Variants in CYTH3 observed in about 807,000 individuals in gnomAD.
The protein encoded by CYTH3 is cytohesin-3.
A neutral mutation model predicts 55.1 loss-of-function variants in CYTH3; 23 were observed. The observed-to-expected ratio is 0.42, with a 90% CI of 0.30 to 0.59. The LOEUF (loss-of-function observed/expected upper bound fraction) is 0.59, where lower values mean the gene tolerates loss of function less well. Among genes scored for constraint, CYTH3 ranks in the 20% least tolerant of loss-of-function variants. The pLI is 0.20. For synonymous variants in CYTH3, 249 were observed against 194.9 expected (o/e 1.28, Z -2.31); for missense variants, 413 against 524.8 (o/e 0.79, Z 2.08).
intron 1 of CYTH3, among the ~76,000 whole-genome samples, chr7:6,238,883 G>T (rs1009181700): frequency 2.7e-5 from 4 of 150,444 alleles, no homozygotes; most frequent in African/African-American, 7.5e-5. Flanking sequence ...AAGGGGAAAA[G>T]ATTGGAAATC....
intron 1 of CYTH3, among the ~76,000 whole-genome samples, chr7:6,198,718 C>T (rs1471941863): frequency 6.7e-6 from 1 of 149,672 alleles, no homozygotes; most frequent in Non-Finnish European, 1.5e-5. Context: ...TACACATACA[C>T]AAACATATAA....
chr7:6,172,458 G>A (rs1783226476), intron 6 of CYTH3, among the ~76,000 whole-genome samples: 1 of 151,970 alleles, frequency 6.6e-6, no homozygotes, highest in Non-Finnish European at 1.5e-5. Flanking sequence ...GCAGTGATGC[G>A]TCTCGAGTCA....
intron 4 of CYTH3, among the ~76,000 whole-genome samples, chr7:6,182,738 G>T (rs1583753555): frequency 6.6e-6 from 1 of 152,116 alleles, no homozygotes; most frequent in Non-Finnish European, 1.5e-5. Context: ...TTGAACTCCT[G>T]AGCTCAAGTG....
chr7:6,173,083 G>A (rs1348479450), intron 6 of CYTH3: 13 of 1,058,902 alleles, frequency 1.2e-5, no homozygotes, highest in South Asian at 2.5e-5. Context: ...GCTGGCTCAG[G>A]GTCAAGGCCC....
intron 1 of CYTH3, among the ~76,000 whole-genome samples, chr7:6,207,950 G>C (rs191958392): frequency 4.9e-4 from 74 of 151,984 alleles, no homozygotes; most frequent in African/African-American, 1.7e-3. Flanking sequence ...ACCCTGTCTT[G>C]GGGGGGTGGG....
rs1256772067 is a variant in CYTH3, at chr7:6,171,368, G to A, written c.450-54C>T. On this transcript the variant is annotated intron_variant, in intron 6 of 12. Transcript: ENST00000350796. This position sits in a 1 kb window ranked among gnomAD's most constrained non-coding sequence, Gnocchi z 6.7. ...CGCATCAGAACCAACACCGCCTCAC[G>A]GCCAAGGGCGGCTTCTGCCCAGCTC... The A allele has an allele frequency of 3.2e-5, 49 of 1,550,286 alleles. No individual in the cohort carries two copies. Among genetic ancestry groups the A allele is most frequent in the Non-Finnish European group, 4.3e-5 (48 of 1,124,364 alleles).
chr7:6,195,587 T>C (rs994981137), intron 1 of CYTH3, among the ~76,000 whole-genome samples: 2 of 152,134 alleles, frequency 1.3e-5, no homozygotes, highest in South Asian at 2.1e-4. Flanking sequence ...CCCAAGTAGC[T>C]GGGATTACAG....
intron 1 of CYTH3, among the ~76,000 whole-genome samples, chr7:6,217,487 A>G (rs1041681747): frequency 6.6e-6 from 1 of 152,248 alleles, no homozygotes; most frequent in East Asian, 1.9e-4. Context: ...GACAGATACT[A>G]TATAATGATC....
chr7:6,231,015 CCA>C (rs1243526535), intron 1 of CYTH3, among the ~76,000 whole-genome samples: 4 of 152,174 alleles, frequency 2.6e-5, no homozygotes, highest in Admixed American at 1.3e-4. Flanking sequence ...TTCACTTTCC[CCA>C]CAGTCACCCC....
chr7:6,165,025 A>T lies in CYTH3; in HGVS notation c.1128-9T>A. Reference sequence around the variant, plus strand: ...CTCTGCTGATACTGGCTCTGGTGAAAAAAGGAAAACACACAGGTTAGGTCG... The same window carrying T: ...CTCTGCTGATACTGGCTCTGGTGAATAAAGGAAAACACACAGGTTAGGTCG... On this transcript the variant is annotated splice_polypyrimidine_tract_variant and intron_variant, in intron 12 of 12. Coordinates refer to ENST00000350796, the MANE Select transcript of CYTH3 (RefSeq NM_004227.4). The T allele has an allele frequency of 6.2e-7, 1 of 1,614,148 alleles. No individual in the cohort carries two copies. Among genetic ancestry groups the T allele is most frequent in the South Asian group, 1.1e-5 (1 of 91,080 alleles).
At chr7:6,262,146 C>A (rs111605766) in intron 1 of CYTH3, among the ~76,000 whole-genome samples, 372 of 151,986 alleles carry the variant, frequency 2.4e-3, no homozygotes, top group African/African-American at 8.4e-3. Flanking sequence ...ACAGAGTGAA[C>A]GATGGAGAGG....
chr7:6,179,746 A>ACCCCACAC (rs1562881515), intron 4 of CYTH3, among the ~76,000 whole-genome samples: 3 of 44,728 alleles, frequency 6.7e-5, no homozygotes, highest in East Asian at 3.7e-3. Context: ...CACCACACAC[A>ACCCCACAC]CCCCACACCC....
At chr7:6,182,948 T>C (rs988055444) in intron 4 of CYTH3, among the ~76,000 whole-genome samples, 5 of 152,250 alleles carry the variant, frequency 3.3e-5, no homozygotes, top group Non-Finnish European at 4.4e-5. Context: ...AGGGTCACTG[T>C]TGGCCTAACA....
chr7:6,196,163 TC>T, intron 1 of CYTH3, among the ~76,000 whole-genome samples: 1 of 152,262 alleles, frequency 6.6e-6, no homozygotes, highest in East Asian at 1.9e-4. Context: ...TGCTCTATTC[TC>T]CTTGGCTCAG....
intron 9 of CYTH3, among the ~76,000 whole-genome samples, chr7:6,168,013 G>C (rs1327932265): frequency 6.6e-6 from 1 of 152,162 alleles, no homozygotes; most frequent in African/African-American, 2.4e-5. Flanking sequence ...AGCCGAGCAG[G>C]CTCTGCTCAC....
chr7:6,184,576 T>C (rs534708295), intron 4 of CYTH3, among the ~76,000 whole-genome samples: 6 of 152,192 alleles, frequency 3.9e-5, no homozygotes, highest in African/African-American at 1.2e-4. Flanking sequence ...GTGGCATCAC[T>C]TTATTTATTT....
Position 6,171,656 on chromosome 7 carries a change from C to G in CYTH3, c.450-342G>C, listed in dbSNP as rs949430471. ...GCTGCTGCCAGGTGATCACCAGAGC[C>G]CTGCCTGTCCCGAGCTGCCACCAGC... On this transcript the variant is annotated intron_variant, in intron 6 of 12. Transcript: ENST00000350796. This position sits in a 1 kb window ranked among gnomAD's most constrained non-coding sequence, Gnocchi z 6.7. 7.0e-6 allele frequency: 2 copies of G among 283,812 alleles called. No individual in the cohort carries two copies. The highest frequency in any genetic ancestry group is 2.2e-5 in the African/African-American group (1 of 46,380). 17.6% of individuals were successfully genotyped at this position (283,812 alleles called of 1,614,324 possible). A position where few individuals can be genotyped will look rare whatever the true frequency, so the allele number is the denominator to read the frequency against.
At position 6,162,016 on chromosome 7, in the gene CYTH3, G is replaced by T. The variant is rs999443262; in HGVS notation, c.*2928C>A. 1.3e-5 allele frequency: 2 copies of T among 152,608 alleles called. No individual in the cohort carries two copies. The highest frequency in any genetic ancestry group is 2.9e-5 in the Non-Finnish European group (2 of 68,028). The allele number at this position is 152,608 out of a possible 1,614,324, so 9.5% of individuals were successfully genotyped here. Reference sequence around the variant, plus strand: ...ATAGAAATATTTTCTAAGAAAAAAAGTCAATTTGTGGTTTCTGGTCTACCA... The same window carrying T: ...ATAGAAATATTTTCTAAGAAAAAAATTCAATTTGTGGTTTCTGGTCTACCA... On this transcript the variant is annotated 3_prime_UTR_variant, in exon 13 of 13. Coordinates refer to ENST00000350796, the MANE Select transcript of CYTH3 (RefSeq NM_004227.4).
In CYTH3 at chr7:6,171,183, C is replaced by A. The variant is rs757929370; in HGVS notation, c.562+19G>T. On this transcript the variant is annotated intron_variant, in intron 7 of 12. Transcript: ENST00000350796. The surrounding 1 kb of genome is among the most constrained non-coding windows in gnomAD (Gnocchi z 6.7). ...AGGCTGTGCCTGGCAAGGGGCCAGG[C>A]TGTGGGCTCTGCACTGACCTGTGGA... 4.3e-6 allele frequency: 7 copies of A among 1,613,540 alleles called. No homozygotes were observed. The highest frequency in any genetic ancestry group is 2.2e-5 in the East Asian group (1 of 44,864).
Sources: allele counts gnomAD v4.1 joint callset (sites outside exome capture counted in the v4.1 genomes callset), GRCh38; gene constraint gnomAD v4.1.1; non-coding constraint Gnocchi (gnomAD v3.1); transcripts MANE v1.5; gene names NCBI Gene and HGNC (gene_info 2026-07-23, HGNC 2026-07-21).